The following TTN variants were observed in gnomAD, a reference collection of about 807,000 sequenced individuals.
TTN encodes titin, also known as connectin.
TTN carries 1,525 observed loss-of-function variants against 3,223.0 expected under a neutral mutation model. The observed-to-expected ratio is 0.47, with a 90% confidence interval of 0.45 to 0.49. The LOEUF is 0.49. Among genes scored for constraint, TTN ranks in the 20% least tolerant of loss-of-function variants. The pLI is 0.00. For synonymous variants in TTN, 14,094 were observed against 15,161.0 expected, an observed-to-expected ratio of 0.93 and a Z score of 5.17; for missense variants, 40,786 against 43,424.0, an observed-to-expected ratio of 0.94 and a Z score of 5.40.
In TTN at chr2:178,718,785, C is replaced by G. The variant is rs1202623297; in HGVS notation, c.24415G>C (p.Glu8139Gln). Residue 8139 changes from glutamate to glutamine, a missense_variant, in exon 84 of 363, where the codon GAG (glutamate) becomes CAG (glutamine). Physicochemically the swap from Glu to Gln is conservative, Grantham distance 29. Coordinates refer to ENST00000589042, the MANE Select transcript of TTN (RefSeq NM_001267550.2). ...TCTCCACTTTCTAATGGCTGCACCT[C>G]AAACAACTCCAGTTCTGTGACAAAA... ...EDFVTELELF[E>Q]VQPLESGDYS... 5 of 1,613,776 alleles carry G rather than the reference C, an allele frequency of 3.1e-6. No homozygotes were observed. Among genetic ancestry groups the G allele is most frequent in the Non-Finnish European group, 4.2e-6 (5 of 1,179,748 alleles).
Position 178,549,570 on chromosome 2 carries a change from T to C in TTN, c.92152A>G (p.Thr30718Ala), listed in dbSNP as rs1426077544. The change falls in exon 338 of 363, where the codon ACT becomes GCT. Residue 30718 changes from threonine to alanine, a missense_variant and splice_region_variant. Physicochemically the swap from Thr to Ala is moderately conservative, Grantham distance 58. Transcript: ENST00000589042. ...SDPVVAQIQYTVPDAPGIPEP... is the reference protein window; with the variant it reads ...SDPVVAQIQYAVPDAPGIPEP... ...CCGCTTAGTAAAAACGCAAACTTAC[T>C]ATATTGTATTTGAGCAACCACTGGA... The C allele has an allele frequency of 1.9e-6, 3 of 1,610,146 alleles. No individual in the cohort carries two copies. The South Asian group carries it at 3.3e-5, about 18-fold the overall frequency.
intron 43 of TTN, chr2:178,760,850 TG>T (rs1391859829): frequency 2.1e-4 from 4 of 19,444 alleles, no homozygotes; most frequent in Non-Finnish European, 4.5e-4. Flanking sequence ...TGTGAAGGGG[TG>T]TGTGTGTGTG....
Position 178,686,034 on chromosome 2 carries a change from C to T in TTN, c.32312-436G>A, listed in dbSNP as rs1184672429. On this transcript the variant is annotated intron_variant, in intron 127 of 362. Coordinates refer to ENST00000589042, the MANE Select transcript of TTN (RefSeq NM_001267550.2). ...AGATAATATTCCATATTGTTTTCCCCGCCAGTTTTGTGGGGCAGGTATGGT... is the reference window on the plus strand; with the variant it reads ...AGATAATATTCCATATTGTTTTCCCTGCCAGTTTTGTGGGGCAGGTATGGT... 2.6e-5 allele frequency among the ~76,000 whole-genome samples: 4 copies of T among 151,540 alleles called. No homozygotes were observed. The South Asian group carries it at 6.2e-4, about 24-fold the overall frequency.
Position 178,776,983 on chromosome 2 carries a change from C to T in TTN, c.4881G>A (p.Trp1627Ter). ...CTTTATTAATAGCAGTCGCAGTATA[C>T]CAGGCAGAATCTTGGCTGACAGTGG... is the stretch of plus-strand genomic sequence containing the variant. The part of the protein sequence containing the change: ...IDSTVSQDSA[W>*]YTATAINKAG... Residue 1627 changes from tryptophan (W) to a stop codon, truncating the protein, a stop_gained, in exon 28 of 363, where the codon TGG becomes TGA. Coordinates refer to ENST00000589042, the MANE Select transcript of TTN (RefSeq NM_001267550.2). LOFTEE classifies it high-confidence loss of function. 1 of 1,613,966 alleles carries T rather than the reference C, an allele frequency of 6.2e-7. No individual in the cohort carries two copies. Among genetic ancestry groups the T allele is most frequent in the Non-Finnish European group, 8.5e-7 (1 of 1,179,986 alleles).
Position 178,604,998 on chromosome 2 carries a change from A to G in TTN, c.54179T>C (p.Val18060Ala), listed in dbSNP as rs778548912. The part of the protein sequence containing the change: ...RLGSVFRNVH[V>A]EVYDRPSPPR... ...AGCAAGTCACTTACCATATACTTCA[A>G]CGTGAACATTTCGGAACACTGAGCC... The change falls in exon 280 of 363, where the codon GTT (valine) becomes GCT (alanine). Residue 18060 changes from valine to alanine, a missense_variant. By Grantham distance (64) the Val-to-Ala change is moderately conservative (BLOSUM62 0). Transcript: ENST00000589042. 6 of 1,596,840 alleles carry G rather than the reference A, an allele frequency of 3.8e-6. No homozygotes were observed. The Admixed American group carries it at 5.1e-5, about 14-fold the overall frequency.
In TTN at chr2:178,719,990, A is replaced by C. The variant is rs2078099349; in HGVS notation, c.23652T>G (p.Thr7884=). Residue 7884 remains threonine (T), a synonymous_variant, in exon 81 of 363, where the codon ACT becomes ACG. Transcript: ENST00000589042. ...CTGTGCTTTGCTACTAACCTAGTAC[A>C]GTCAAGACTGCAGAGCATTCTCTCA... The part of the protein sequence containing the change: ...AGMRECSAVL[T]VLEPARIIEK... The C allele has an allele frequency of 2.5e-6, 4 of 1,607,554 alleles. No individual in the cohort carries two copies. The South Asian group carries it at 4.4e-5, about 18-fold the overall frequency.
At chr2:178,756,156 T>C (rs1244021528) in intron 46 of TTN, 66 bp downstream of exon 46, 2 of 1,191,840 alleles carry the variant, frequency 1.7e-6, no homozygotes, top group South Asian at 1.5e-5. Context: ...TGAATTTGCA[T>C]GGCAGAAAAG....
Position 178,556,888 on chromosome 2 carries a change from T to A in TTN, c.88266A>T (p.Pro29422=). Residue 29422 remains proline, a synonymous_variant, in exon 330 of 363, where the codon CCA becomes CCT. Transcript: ENST00000589042. The part of the protein sequence containing the change: ...ARNAVGSISN[P]SEVVGPITCI... ...AAGTAATGGGCCCTACAACCTCAGATGGATTGCTAATGGAACCAACAGCAT... is the reference window on the plus strand; with the variant it reads ...AAGTAATGGGCCCTACAACCTCAGAAGGATTGCTAATGGAACCAACAGCAT... 6.2e-7 allele frequency: 1 copy of A among 1,613,838 alleles called. No homozygotes were observed. The highest frequency in any genetic ancestry group is 2.2e-5 in the East Asian group (1 of 44,820).
intron 34 of TTN, 177 bp from the exon 35 acceptor site, chr2:178,770,852 C>A: frequency 1.1e-6 from 1 of 889,090 alleles, no homozygotes; most frequent in Non-Finnish European, 1.9e-6. Flanking sequence ...ACCTGGGATC[C>A]AACTGGACAT....
intron 362 of TTN, 53 bp downstream of exon 362, chr2:178,527,393 A>C: frequency 6.3e-7 from 1 of 1,589,816 alleles, no homozygotes; most frequent in Non-Finnish European, 8.6e-7. Context: ...TGTACTAAAG[A>C]CTACACCATG....
chr2:178,526,702 T>C lies in TTN; in HGVS notation c.*310A>G, dbSNP rs950353026. 4.5e-6 allele frequency: 1 copy of C among 220,316 alleles called. No individual in the cohort carries two copies. The highest frequency in any genetic ancestry group is 1.3e-4 in the South Asian group (1 of 7,852). 13.6% of individuals were successfully genotyped at this position (220,316 alleles called of 1,614,324 possible). A position where few individuals can be genotyped will look rare whatever the true frequency, so the allele number is the denominator to read the frequency against. On this transcript the variant is annotated 3_prime_UTR_variant, in exon 363 of 363. Transcript: ENST00000589042. ...AATGTTGAGCAGGGTATTCGTTCCA[T>C]AAGAAACTTTCTCCTACCAACAGTT... is the stretch of plus-strand genomic sequence containing the variant.
chr2:178,559,227 G>T, intron 326 of TTN, 84 bp downstream of exon 326: 1 of 1,294,306 alleles, frequency 7.7e-7, no homozygotes, highest in Non-Finnish European at 1.1e-6. Context: ...CATTTAAGAT[G>T]AAATAACGAC....
chr2:178,807,362 G>C lies in TTN; in HGVS notation c.-164C>G, dbSNP rs1190297467. 6.6e-6 allele frequency: 1 copy of C among 152,114 alleles called. No individual in the cohort carries two copies. The highest frequency in any genetic ancestry group is 2.4e-5 in the African/African-American group (1 of 41,428). The allele number at this position is 152,114 out of a possible 1,614,324, so 9.4% of individuals were successfully genotyped here. A position where few individuals can be genotyped will look rare whatever the true frequency, so the allele number is the denominator to read the frequency against. Reference sequence around the variant, plus strand: ...AACAAAACTACACAGTCAAGACTGTGTAGTTTTGCTTTTCTATGCAATCCC... The same window carrying C: ...AACAAAACTACACAGTCAAGACTGTCTAGTTTTGCTTTTCTATGCAATCCC... On this transcript the variant is annotated 5_prime_UTR_variant, in exon 1 of 363. Coordinates refer to ENST00000589042, the MANE Select transcript of TTN (RefSeq NM_001267550.2).
intron 33 of TTN, 58 bp downstream of exon 33, chr2:178,773,051 T>G: frequency 1.2e-6 from 2 of 1,608,204 alleles, no homozygotes; most frequent in South Asian, 2.2e-5. Flanking sequence ...AAATGAATAA[T>G]AATTTCTTAA....
chr2:178,529,497 T>C (rs951703008), intron 359 of TTN, among the ~76,000 whole-genome samples: 7 of 152,230 alleles, frequency 4.6e-5, no homozygotes, highest in African/African-American at 1.4e-4. Context: ...ATTTAGGAGA[T>C]AAGTGGATTT....
At position 178,792,647 on chromosome 2, in the gene TTN, G is replaced by A. The variant is rs185314125; in HGVS notation, c.1537-450C>T. Among the ~76,000 whole-genome samples, 305 of 152,286 alleles carry A rather than the reference G, an allele frequency of 2.0e-3. 5 individuals are homozygous for A. The highest frequency in any genetic ancestry group is 2.4e-4 in the Non-Finnish European group (16 of 68,002). ...TAATCTGCATTTATACAATATTTTT[G>A]TTTTGTCAGTTTTCCTAAATACTGT... On this transcript the variant is annotated intron_variant, in intron 9 of 362. Transcript: ENST00000589042.
chr2:178,748,964 C>T, intron 47 of TTN: 1 of 1,612,332 alleles, frequency 6.2e-7, no homozygotes, highest in Non-Finnish European at 8.5e-7. Context: ...AATTGATGTT[C>T]TGGTAGGTCT....
chr2:178,663,471 A>G lies in TTN; in HGVS notation c.36578T>C (p.Val12193Ala), dbSNP rs550002952. The G allele has an allele frequency of 1.2e-6, 2 of 1,612,482 alleles. No individual in the cohort carries two copies. The highest frequency in any genetic ancestry group is 1.7e-5 in the Admixed American group (1 of 59,828). The stretch of plus-strand genomic sequence containing the variant: ...CACTTCAGGCTTTTTAGGAGGAGGC[A>G]CTGGCACTTTCTTTTCAGGAACAAC... ...KEVVPEKKVP[V>A]PPPKKPEVPP... The change falls in exon 172 of 363, where the codon GTG (valine) becomes GCG (alanine). Residue 12193 changes from valine (V) to alanine (A), a missense_variant. Val to Ala is a moderately conservative substitution (Grantham distance 64). Transcript: ENST00000589042.
At chr2:178,782,638 T>C (rs751968440) in intron 18 of TTN, 36 bp from the exon 19 acceptor site, 8 of 1,610,628 alleles carry the variant, frequency 5.0e-6, no homozygotes, top group Admixed American at 1.7e-5. Context: ...TGAGATGAGA[T>C]GTTTAGTGAC....
Sources: gnomAD v4.1 joint callset for allele counts (sites outside exome capture counted in the v4.1 genomes callset) on GRCh38, gnomAD v4.1.1 for gene constraint, MANE v1.5 for transcripts, NCBI Gene and HGNC (gene_info 2026-07-23, HGNC 2026-07-21) for gene names.